Variants in ERCC8 observed in about 807,000 individuals in gnomAD.
ERCC8 encodes the protein DNA excision repair protein ERCC-8.
In ERCC8, 52 loss-of-function variants were observed where a neutral mutation model predicts 54.9. That is an observed-to-expected ratio of 0.95 (90% confidence interval 0.76 to 1.19). The LOEUF (loss-of-function observed/expected upper bound fraction) is 1.19. Among genes scored for constraint, ERCC8 ranks in the 50% most tolerant of loss-of-function variants. The pLI is 0.00. For missense variants in ERCC8, 514 were observed against 466.1 expected, an observed-to-expected ratio of 1.10 and a Z score of -0.95; for synonymous variants, 146 against 157.2, an observed-to-expected ratio of 0.93 and a Z score of 0.53.
chr5:60,871,231 C>A lies in ERCC8; in HGVS notation c.*3384G>T, dbSNP rs1747856819. Among the ~76,000 whole-genome samples, 1 of 152,098 alleles carries A rather than the reference C, an allele frequency of 6.6e-6. No homozygotes were observed. Among genetic ancestry groups the A allele is most frequent in the African/African-American group, 2.4e-5 (1 of 41,416 alleles). On this transcript the variant is annotated 3_prime_UTR_variant, in exon 12 of 12. Transcript: ENST00000676185. ...TAAACATGTAGCCTTGAACAGGGGA[C>A]CAGCTGAAAACAACTGGGGGACATT...
Position 60,904,864 on chromosome 5 carries a change from C to T in ERCC8, c.409G>A (p.Val137Ile), listed in dbSNP as rs150952570. The T allele has an allele frequency of 1.3e-4, 193 of 1,513,534 alleles. No individual in the cohort carries two copies. The highest frequency in any genetic ancestry group is 1.6e-4 in the Non-Finnish European group (178 of 1,089,400). 93.8% of individuals were successfully genotyped at this position (1,513,534 alleles called of 1,614,324 possible). ...WDTNTLQTAD[V>I]FNFEETVYSH... is the part of the protein sequence containing the mutation. ...TAAACTGTTTCCTCAAAATTAAATA[C>T]ATCTGCAGTCTGGTAATCAAAAGAC... Residue 137 changes from valine (V) to isoleucine (I), a missense_variant, in exon 5 of 12, where the codon GTA becomes ATA. Val to Ile is a conservative substitution (Grantham distance 29). Transcript: ENST00000676185.
chr5:60,885,955 C>A (rs1416982843), intron 11 of ERCC8, among the ~76,000 whole-genome samples: 2 of 152,084 alleles, frequency 1.3e-5, no homozygotes, highest in African/African-American at 4.8e-5. Context: ...ATAACTTTTC[C>A]TCCACCTCCA....
intron 11 of ERCC8, among the ~76,000 whole-genome samples, chr5:60,879,064 T>A (rs1365005634): frequency 1.3e-5 from 2 of 152,238 alleles, no homozygotes; most frequent in African/African-American, 4.8e-5. Context: ...TTCTGGTATG[T>A]TGTGTCTTTG....
intron 4 of ERCC8, among the ~76,000 whole-genome samples, chr5:60,908,310 C>A (rs116255739): frequency 0.021 from 3,255 of 151,528 alleles, 55 homozygotes; most frequent in Middle Eastern, 0.051. Context: ...TTTTGAACTT[C>A]TGGATTAGGG....
Position 60,884,312 on chromosome 5 carries a change from T to C in ERCC8, c.1122+3128A>G, listed in dbSNP as rs974704129. Among the ~76,000 whole-genome samples, 77 of 151,720 alleles carry C rather than the reference T, an allele frequency of 5.1e-4. 1 individual carries two copies. The highest frequency in any genetic ancestry group is 1.6e-3 in the Admixed American group (25 of 15,254). On this transcript the variant is annotated intron_variant, in intron 11 of 11. Transcript: ENST00000676185. ...GTGAATTGTGAAACCCCATCTCTACTAAAAATACAAAAAATTAGCTGGGCG... is the reference window on the plus strand; with the variant it reads ...GTGAATTGTGAAACCCCATCTCTACCAAAAATACAAAAAATTAGCTGGGCG...
intron 10 of ERCC8, among the ~76,000 whole-genome samples, chr5:60,888,959 AGTC>A (rs1748472797): frequency 6.6e-6 from 1 of 152,344 alleles, no homozygotes; most frequent in Middle Eastern, 3.4e-3. Flanking sequence ...TGCTGCACTT[AGTC>A]GTCAAGTCTC....
intron 5 of ERCC8, among the ~76,000 whole-genome samples, 160 bp downstream of exon 5, chr5:60,904,621 AGTGTGTGTGTG>A: frequency 1.6e-5 from 1 of 63,848 alleles, no homozygotes; most frequent in African/African-American, 7.8e-5. Context: ...GAATATATAT[AGTGTGTGTGTG>A]TGTATATATA....
At chr5:60,889,223 T>C (rs978436052) in intron 10 of ERCC8, among the ~76,000 whole-genome samples, 1 of 152,362 alleles carries the variant, frequency 6.6e-6, no homozygotes, top group Non-Finnish European at 1.5e-5. Flanking sequence ...AATTAATCTT[T>C]TTAGTTTGTA....
At chr5:60,922,280 T>A (rs1749623731) in intron 2 of ERCC8, 125 bp from the exon 3 acceptor site, 1 of 604,266 alleles carries the variant, frequency 1.7e-6, no homozygotes, top group Non-Finnish European at 2.9e-6. Flanking sequence ...CATTAATTTA[T>A]AATAAGTTAA....
rs7701023 is a variant in ERCC8 at position 60,890,425 on chromosome 5, A to T, written c.1041+464T>A. Among the ~76,000 whole-genome samples the T allele has an allele frequency of 6.0e-3, 912 of 152,330 alleles. 11 individuals carry two copies. Among genetic ancestry groups the T allele is most frequent in the African/African-American group, 0.021 (854 of 41,580 alleles). On this transcript the variant is annotated intron_variant, in intron 10 of 11. Coordinates refer to ENST00000676185, the MANE Select transcript of ERCC8 (RefSeq NM_000082.4). ...ATCTGGATGTAAAACAAACAAACAA[A>T]AGCCAGAGTATTTAAGAAATTATAT...
At chr5:60,911,161 T>G (rs573854630) in intron 4 of ERCC8, among the ~76,000 whole-genome samples, 2 of 152,244 alleles carry the variant, frequency 1.3e-5, no homozygotes, top group Admixed American at 1.3e-4. Context: ...GCTGCACCCA[T>G]TAACTCATCA....
chr5:60,902,259 G>C (rs1430060110), intron 7 of ERCC8, among the ~76,000 whole-genome samples, 183 bp downstream of exon 7: 1 of 151,988 alleles, frequency 6.6e-6, no homozygotes, highest in African/African-American at 2.4e-5. Context: ...GATAGGATTA[G>C]AATTAGAATA....
At chr5:60,903,136 G>C (rs1283224696) in intron 6 of ERCC8, among the ~76,000 whole-genome samples, 2 of 151,776 alleles carry the variant, frequency 1.3e-5, no homozygotes, top group African/African-American at 2.4e-5. Flanking sequence ...TTTGAGATCA[G>C]TCAAAATATA....
intron 1 of ERCC8, among the ~76,000 whole-genome samples, chr5:60,943,694 A>T (rs1205137476): frequency 1.3e-5 from 2 of 152,186 alleles, no homozygotes; most frequent in African/African-American, 4.8e-5. Flanking sequence ...ACATAAATGG[A>T]GCAAATGAAA....
chr5:60,881,794 C>T (rs556301109), intron 11 of ERCC8, among the ~76,000 whole-genome samples: 100 of 152,334 alleles, frequency 6.6e-4, no homozygotes, highest in African/African-American at 2.2e-3. Flanking sequence ...AATTCCCTGA[C>T]CCCTTGTGCT....
chr5:60,922,456 T>A (rs1191390425), intron 2 of ERCC8, among the ~76,000 whole-genome samples: 1 of 151,942 alleles, frequency 6.6e-6, no homozygotes, highest in African/African-American at 2.4e-5. Flanking sequence ...AAGTAAAATA[T>A]TACAAAGTTA....
chr5:60,892,661 C>A (rs554517519), intron 9 of ERCC8: 35 of 662,380 alleles, frequency 5.3e-5, no homozygotes, highest in South Asian at 4.7e-4. Context: ...GCAAGATGGT[C>A]TCCACTGGGG....
At chr5:60,942,830 A>G (rs1002661485) in intron 1 of ERCC8, among the ~76,000 whole-genome samples, 1 of 152,188 alleles carries the variant, frequency 6.6e-6, no homozygotes, top group Non-Finnish European at 1.5e-5. Context: ...ATGTTTTTTT[A>G]GAGGGTGTAA....
Position 60,874,685 on chromosome 5 carries a change from T to TAAAA in ERCC8, c.1123-6_1123-3dup. 7.5e-7 allele frequency: 1 copy of TAAAA among 1,332,966 alleles called. No homozygotes were observed. Among genetic ancestry groups the TAAAA allele is most frequent in the Non-Finnish European group, 1.0e-6 (1 of 970,944 alleles). The allele number at this position is 1,332,966 out of a possible 1,614,324, so 82.6% of individuals were successfully genotyped here. On this transcript the variant is annotated splice_polypyrimidine_tract_variant and splice_region_variant and intron_variant, in intron 11 of 11. Transcript: ENST00000676185. ...ATTTAATTGTGATTTTGTTGTAGTC[T>TAAAA]AAAAAAAAAAAAGATAAAGAAAAAG...
Sources: allele counts gnomAD v4.1 joint callset (sites outside exome capture counted in the v4.1 genomes callset), GRCh38; gene constraint gnomAD v4.1.1; transcripts MANE v1.5; gene names NCBI Gene and HGNC (gene_info 2026-07-23, HGNC 2026-07-21).